Variants in SPTLC3 observed in about 807,000 individuals in gnomAD.
SPTLC3 encodes the protein serine palmitoyltransferase 3.
Under a neutral mutation model 59.3 loss-of-function variants are expected in SPTLC3, and 36 were observed. The ratio of observed to expected loss-of-function variants is 0.61; its 90% CI spans 0.47 to 0.80. SPTLC3 has a LOEUF of 0.80. Among genes scored for constraint, SPTLC3 ranks in the 30% least tolerant of loss-of-function variants. SPTLC3 has a pLI of 0.00. For missense variants in SPTLC3, 625 were observed against 685.1 expected, an observed-to-expected ratio of 0.91 and a Z score of 0.98; for synonymous variants, 257 against 240.8, an observed-to-expected ratio of 1.07 and a Z score of -0.62.
chr20:13,057,172 T>TG (rs771684893), intron 2 of SPTLC3, among the ~76,000 whole-genome samples: 12 of 152,314 alleles, frequency 7.9e-5, no homozygotes, highest in Admixed American at 2.6e-4. Context: ...CAGTGACACT[T>TG]CATTCTTTTC....
chr20:13,028,420 A>G (rs969741144), intron 1 of SPTLC3, among the ~76,000 whole-genome samples: 2 of 152,106 alleles, frequency 1.3e-5, no homozygotes, highest in African/African-American at 4.8e-5. Flanking sequence ...TTATTCTGCC[A>G]TGATTCAAAA....
intron 1 of SPTLC3, among the ~76,000 whole-genome samples, chr20:13,035,373 T>G (rs151037872): frequency 3.7e-4 from 57 of 152,302 alleles, no homozygotes; most frequent in Non-Finnish European, 6.6e-4. Context: ...TTGAGTTGAC[T>G]GAGCAACTAG....
At chr20:13,142,331 T>C (rs1223319567) in intron 9 of SPTLC3, among the ~76,000 whole-genome samples, 1 of 152,178 alleles carries the variant, frequency 6.6e-6, no homozygotes, top group African/African-American at 2.4e-5. Flanking sequence ...CTCTGTGTGG[T>C]TGGACCCTGA....
At chr20:13,025,901 G>T (rs971355251) in intron 1 of SPTLC3, among the ~76,000 whole-genome samples, 1 of 151,914 alleles carries the variant, frequency 6.6e-6, no homozygotes, top group Non-Finnish European at 1.5e-5. Context: ...CCCTCCATTA[G>T]GTCCCAGTGT....
chr20:13,079,851 A>G lies in SPTLC3; in HGVS notation c.607+5354A>G, dbSNP rs890963800. ...CCCTGGTCATGGAAAATGGGCAGGC[A>G]CTCTTCCCTGTTGGAGGTGAGGCAG... On this transcript the variant is annotated intron_variant, in intron 4 of 11. Transcript: ENST00000399002. 1.1e-5 allele frequency: 5 copies of G among 447,172 alleles called. 1 individual carries two copies. Among genetic ancestry groups the G allele is most frequent in the Admixed American group, 1.0e-4 (4 of 39,706 alleles). 27.7% of individuals were successfully genotyped at this position (447,172 alleles called of 1,614,324 possible).
intron 1 of SPTLC3, among the ~76,000 whole-genome samples, chr20:13,038,811 G>T (rs79829064): frequency 0.018 from 2,766 of 152,068 alleles, 97 homozygotes; most frequent in African/African-American, 0.064. Flanking sequence ...CACTGCTTTA[G>T]CTATATCTAA....
intron 11 of SPTLC3, among the ~76,000 whole-genome samples, chr20:13,160,394 A>G (rs2038871224): frequency 6.6e-6 from 1 of 152,208 alleles, no homozygotes; most frequent in Admixed American, 6.5e-5. Flanking sequence ...TGAGTAGCCA[A>G]ATGTTCTTCT....
intron 8 of SPTLC3, among the ~76,000 whole-genome samples, chr20:13,118,339 T>C (rs1485166120): frequency 6.6e-6 from 1 of 151,426 alleles, no homozygotes; most frequent in Non-Finnish European, 1.5e-5. Flanking sequence ...AATCCTGCCA[T>C]TCTCCAATAT....
intron 9 of SPTLC3, among the ~76,000 whole-genome samples, chr20:13,128,264 A>C (rs1419579739): frequency 2.0e-5 from 3 of 152,222 alleles, no homozygotes; most frequent in Non-Finnish European, 4.4e-5. Flanking sequence ...TCCTTATGAC[A>C]GAAGTGAAGT....
chr20:13,099,998 C>T (rs1989548451), intron 6 of SPTLC3, among the ~76,000 whole-genome samples: 1 of 152,218 alleles, frequency 6.6e-6, no homozygotes, highest in Non-Finnish European at 1.5e-5. Flanking sequence ...GTTCTGCTCT[C>T]ACAGACTGTC....
intron 1 of SPTLC3, among the ~76,000 whole-genome samples, chr20:13,027,680 C>T (rs946942763): frequency 9.4e-5 from 13 of 138,978 alleles, no homozygotes; most frequent in East Asian, 8.6e-4. Context: ...CACACACACA[C>T]GCAAAAGTGT....
At position 13,154,042 on chromosome 20, in the gene SPTLC3, A is replaced by G; in HGVS notation, c.1319A>G (p.Tyr440Cys). The change falls in exon 10 of 12, where the codon TAC (tyrosine) becomes TGC (cysteine). Residue 440 changes from tyrosine to cysteine, a missense_variant. Tyr to Cys is a radical substitution (Grantham distance 194, BLOSUM62 -2). Coordinates refer to ENST00000399002, the MANE Select transcript of SPTLC3 (RefSeq NM_018327.4). ...CAGCAACTTGCGAAAAACACAAGAT[A>G]CTTCAGACAAAGACTGCAGGAAATG... ...RVQQLAKNTR[Y>C]FRQRLQEMGF... 6.2e-7 allele frequency: 1 copy of G among 1,614,134 alleles called. No individual in the cohort carries two copies. Among genetic ancestry groups the G allele is most frequent in the Non-Finnish European group, 8.5e-7 (1 of 1,179,998 alleles).
intron 1 of SPTLC3, among the ~76,000 whole-genome samples, chr20:13,012,887 C>G (rs1025673251): frequency 6.6e-6 from 1 of 152,026 alleles, no homozygotes; most frequent in South Asian, 2.1e-4. Context: ...TCAAATTGAA[C>G]CTTGAGACAT....
chr20:13,138,886 C>T (rs537002577), intron 9 of SPTLC3, among the ~76,000 whole-genome samples: 2 of 152,244 alleles, frequency 1.3e-5, no homozygotes, highest in Non-Finnish European at 2.9e-5. Context: ...TGGAGTTTTT[C>T]CTTTAATTAT....
chr20:13,019,460 G>A (rs6131421), intron 1 of SPTLC3, among the ~76,000 whole-genome samples: 85,893 of 151,854 alleles, frequency 0.57, 26,932 homozygotes, highest in South Asian at 0.72. Flanking sequence ...AATTTGGCTC[G>A]CCTCGATTTA....
At chr20:13,062,394 A>G (rs1417035276) in intron 2 of SPTLC3, among the ~76,000 whole-genome samples, 1 of 152,236 alleles carries the variant, frequency 6.6e-6, no homozygotes, top group African/African-American at 2.4e-5. Flanking sequence ...ATAGTCTCCC[A>G]CAGTGAATAC....
intron 2 of SPTLC3, among the ~76,000 whole-genome samples, chr20:13,071,587 G>A (rs560194469): frequency 3.9e-5 from 6 of 152,126 alleles, no homozygotes; most frequent in Non-Finnish European, 8.8e-5. Flanking sequence ...ATGAGCGCCG[G>A]CAATGAGCTA....
intron 8 of SPTLC3, among the ~76,000 whole-genome samples, chr20:13,123,388 G>A (rs536826669): frequency 6.6e-6 from 1 of 151,474 alleles, no homozygotes; most frequent in African/African-American, 2.4e-5. Context: ...TGTACCAGAT[G>A]CTTTTCTAAG....
intron 11 of SPTLC3, among the ~76,000 whole-genome samples, chr20:13,161,834 G>GCA (rs906427169): frequency 9.9e-5 from 15 of 151,862 alleles, no homozygotes; most frequent in Middle Eastern, 3.4e-3. Flanking sequence ...GCACACACAC[G>GCA]CACACACACA....
Sources: gnomAD v4.1 joint callset for allele counts (sites outside exome capture counted in the v4.1 genomes callset) on GRCh38, gnomAD v4.1.1 for gene constraint, MANE v1.5 for transcripts, NCBI Gene and HGNC (gene_info 2026-07-23, HGNC 2026-07-21) for gene names.